RANBP2: variants seen among roughly 807,000 people sequenced by gnomAD.
RANBP2 encodes the protein E3 SUMO-protein ligase RanBP2.
A neutral mutation model predicts 303.6 loss-of-function variants in RANBP2; 57 were observed. The observed-to-expected ratio is 0.19, with a 90% CI of 0.15 to 0.23. The LOEUF (loss-of-function observed/expected upper bound fraction) is 0.23. Among genes scored for constraint, RANBP2 ranks in the 10% least tolerant of loss-of-function variants. RANBP2 has a pLI of 1.00. For synonymous variants in RANBP2, 1,167 were observed against 1,301.5 expected (o/e 0.90, Z 2.23); for missense variants, 3,138 against 3,780.8 (o/e 0.83, Z 4.46).
At chr2:109,447,167 AAG>A in the RANBP2 span, among the ~76,000 whole-genome samples, 1 of 148,670 alleles carries the variant, frequency 6.7e-6, no homozygotes, top group Non-Finnish European at 1.5e-5. Flanking sequence ...AAAAAAAAAA[AAG>A]AAAAGAAAAA....
At chr2:109,104,730 A>G in the RANBP2 span, among the ~76,000 whole-genome samples, 2 of 151,976 alleles carry the variant, frequency 1.3e-5, no homozygotes, top group Admixed American at 6.5e-5. Context: ...TGATCCGCCC[A>G]CCTCGGCCTC....
the RANBP2 span, among the ~76,000 whole-genome samples, chr2:108,973,674 T>G: frequency 6.6e-6 from 1 of 152,266 alleles, no homozygotes; most frequent in South Asian, 2.1e-4. Flanking sequence ...CTAGAACCCA[T>G]GCCACACATG....
chr2:108,782,098 G>T lies in RANBP2; in HGVS notation c.8761-30G>T. The T allele has an allele frequency of 1.9e-6, 3 of 1,611,400 alleles. No individual in the cohort carries two copies. The South Asian group carries it at 3.3e-5, about 18-fold the overall frequency. On this transcript the variant is annotated intron_variant, in intron 26 of 28. Transcript: ENST00000283195. ...GTCATGGAATTTATTATAAGCAGCA[G>T]CTTATAGAGAATTTCATCTCCTATT...
chr2:109,593,026 GTATC>G, the RANBP2 span: 14 of 1,485,936 alleles, frequency 9.4e-6, no homozygotes, highest in Non-Finnish European at 1.3e-5. Flanking sequence ...GTACAATATG[GTATC>G]TATTTAAAAG....
the RANBP2 span, among the ~76,000 whole-genome samples, chr2:109,517,498 C>A: frequency 6.6e-6 from 1 of 151,528 alleles, no homozygotes; most frequent in East Asian, 1.9e-4. Flanking sequence ...ACCTGTGAAC[C>A]CCGCCTGGCT....
chr2:109,244,053 G>A, the RANBP2 span, among the ~76,000 whole-genome samples: 17 of 152,314 alleles, frequency 1.1e-4, no homozygotes, highest in Admixed American at 9.2e-4. Context: ...TAATTGTAGC[G>A]AGGGTATTTT....
At chr2:109,063,544 G>A in the RANBP2 span, among the ~76,000 whole-genome samples, 15 of 152,274 alleles carry the variant, frequency 9.9e-5, no homozygotes, top group East Asian at 1.5e-3. Flanking sequence ...CTCCACAGGC[G>A]CGACAGGGAA....
the RANBP2 span, among the ~76,000 whole-genome samples, chr2:109,111,012 G>C: frequency 6.6e-6 from 1 of 152,176 alleles, no homozygotes; most frequent in Non-Finnish European, 1.5e-5. Flanking sequence ...CTTTCATAGT[G>C]TTAAGGCATG....
the RANBP2 span, among the ~76,000 whole-genome samples, chr2:109,231,898 C>T: frequency 5.3e-5 from 8 of 152,094 alleles, no homozygotes; most frequent in African/African-American, 2.4e-5. Context: ...TGTAATTTGC[C>T]CTTTTAAAGT....
At chr2:109,524,768 A>T in the RANBP2 span, among the ~76,000 whole-genome samples, 3,671 of 151,994 alleles carry the variant, frequency 0.024, 154 homozygotes, top group African/African-American at 0.084. Context: ...ATAAATAAAT[A>T]AAAATTAAAA....
the RANBP2 span, among the ~76,000 whole-genome samples, chr2:109,247,477 T>C: frequency 6.6e-6 from 1 of 152,224 alleles, no homozygotes; most frequent in Non-Finnish European, 1.5e-5. Context: ...CTGGAAGTTT[T>C]TGTGCAAAAC....
At chr2:108,981,747 C>T in the RANBP2 span, among the ~76,000 whole-genome samples, 94 of 152,274 alleles carry the variant, frequency 6.2e-4, no homozygotes, top group African/African-American at 1.8e-3. Flanking sequence ...CCCATGGAAA[C>T]GACAGCAAGG....
At chr2:109,276,491 G>A in the RANBP2 span, among the ~76,000 whole-genome samples, 3 of 152,308 alleles carry the variant, frequency 2.0e-5, no homozygotes, top group East Asian at 5.8e-4. Context: ...TCGCTGCATG[G>A]AAGGCCTTGT....
the RANBP2 span, among the ~76,000 whole-genome samples, chr2:109,475,286 T>A: frequency 6.6e-6 from 1 of 152,218 alleles, no homozygotes; most frequent in Non-Finnish European, 1.5e-5. Context: ...TTCAGTATTA[T>A]CTTAAATCTC....
At chr2:109,614,062 C>T in the RANBP2 span, 11 of 1,212,318 alleles carry the variant, frequency 9.1e-6, no homozygotes, top group South Asian at 3.4e-4. Context: ...AAGCGAGCCC[C>T]TCACAGGAGC....
At chr2:108,856,533 A>T in the RANBP2 span, among the ~76,000 whole-genome samples, 1 of 152,242 alleles carries the variant, frequency 6.6e-6, no homozygotes, top group Non-Finnish European at 1.5e-5. Context: ...CTTCCTTAGT[A>T]TTAAAAAATG....
the RANBP2 span, among the ~76,000 whole-genome samples, chr2:109,467,273 G>A: frequency 2.6e-5 from 4 of 152,264 alleles, no homozygotes; most frequent in Non-Finnish European, 4.4e-5. Context: ...ACAGACAGTG[G>A]CTCAACCCTG....
chr2:109,568,014 T>A, the RANBP2 span: 1 of 727,500 alleles, frequency 1.4e-6, no homozygotes, highest in South Asian at 3.3e-5. Context: ...TTACTGAGGA[T>A]TTTTTTTTTT....
At chr2:109,095,519 G>A in the RANBP2 span, among the ~76,000 whole-genome samples, 1 of 152,204 alleles carries the variant, frequency 6.6e-6, no homozygotes, top group Non-Finnish European at 1.5e-5. Context: ...AAAGGGGTTT[G>A]TGAAGGGTTG....
Sources: gnomAD v4.1 joint callset for allele counts (sites outside exome capture counted in the v4.1 genomes callset) on GRCh38, gnomAD v4.1.1 for gene constraint, MANE v1.5 for transcripts, NCBI Gene and HGNC (gene_info 2026-07-23, HGNC 2026-07-21) for gene names.